Variants in SCUBE2 observed in about 807,000 individuals in gnomAD.
SCUBE2 encodes the protein signal peptide, CUB domain and EGF like domain containing 2.
In SCUBE2, 114 loss-of-function variants were observed where a neutral mutation model predicts 125.9. That is an observed-to-expected ratio of 0.91 (90% CI 0.78 to 1.06). SCUBE2 has a LOEUF of 1.06. Among genes scored for constraint, SCUBE2 ranks in the 50% least tolerant of loss-of-function variants. SCUBE2 has a pLI of 0.00. For synonymous variants in SCUBE2, 459 were observed against 492.9 expected, an observed-to-expected ratio of 0.93 and a Z score of 0.91; for missense variants, 1,255 against 1,301.8, an observed-to-expected ratio of 0.96 and a Z score of 0.55.
chr11:9,087,537 AAG>A (rs1159216994), intron 2 of SCUBE2, among the ~76,000 whole-genome samples: 2 of 150,610 alleles, frequency 1.3e-5, no homozygotes, highest in Admixed American at 6.6e-5. Flanking sequence ...GAGAGAGAGA[AAG>A]AGAGAGAGAG....
Position 9,058,595 on chromosome 11 carries a change from CAAAAAAAAAAAAAAAAA to C in SCUBE2, c.1090+691_1090+707del, listed in dbSNP as rs61409328. ...TGGGTGACAGAGCGAGACTCTGTCT[CAAAAAAAAAAAAAAAAA>C]AAAAAAAAAAAAAAAAAATTCAGAA... is the stretch of plus-strand genomic sequence containing the variant. On this transcript the variant is annotated intron_variant, in intron 9 of 22. Transcript: ENST00000649792. Among the ~76,000 whole-genome samples, 28 of 44,318 alleles carry C rather than the reference CAAAAAAAAAAAAAAAAA, an allele frequency of 6.3e-4. 1 individual carries two copies. The highest frequency in any genetic ancestry group is 1.5e-3 in the East Asian group (2 of 1,294). The allele number at this position is 44,318 out of a possible 152,430, so 29.1% of individuals were successfully genotyped here. A position where few individuals can be genotyped will look rare whatever the true frequency, so the allele number is the denominator to read the frequency against.
At chr11:9,090,869 C>CT (rs1862628637) in intron 1 of SCUBE2, among the ~76,000 whole-genome samples, 1 of 152,240 alleles carries the variant, frequency 6.6e-6, no homozygotes, top group African/African-American at 2.4e-5. Context: ...CCAAAGTTCT[C>CT]TGCTGAAAAC....
At chr11:9,049,791 A>G (rs1858163850) in intron 14 of SCUBE2, 1 of 152,230 alleles carries the variant, frequency 6.6e-6, no homozygotes, top group East Asian at 1.9e-4. Flanking sequence ...TCTCAGCATT[A>G]TAACAAGACC....
intron 7 of SCUBE2, chr11:9,065,100 A>T (rs1393339818): frequency 3.3e-5 from 5 of 152,210 alleles, no homozygotes; most frequent in African/African-American, 9.6e-5. Context: ...AGAGGAAGAC[A>T]GCTGACTTCA....
In SCUBE2 at chr11:9,019,848, G is replaced by C. The variant is rs1232973798; in HGVS notation, c.*1197C>G. Among the ~76,000 whole-genome samples, 1 of 152,198 alleles carries C rather than the reference G, an allele frequency of 6.6e-6. No homozygotes were observed. Among genetic ancestry groups the C allele is most frequent in the African/African-American group, 2.4e-5 (1 of 41,448 alleles). Reference sequence around the variant, plus strand: ...TTGATTGGATTCCTTTTTATTCACTGTAATGAGATTTTTGCTTGGGGATTT... The same window carrying C: ...TTGATTGGATTCCTTTTTATTCACTCTAATGAGATTTTTGCTTGGGGATTT... On this transcript the variant is annotated 3_prime_UTR_variant, in exon 23 of 23. Transcript: ENST00000649792.
intron 1 of SCUBE2, 84 bp from the exon 2 acceptor site, chr11:9,089,913 C>G: frequency 6.6e-7 from 1 of 1,509,178 alleles, no homozygotes; most frequent in Non-Finnish European, 8.9e-7. Context: ...ATCATCCTCA[C>G]CAGCCCACCC....
chr11:9,033,660 C>G lies in SCUBE2; in HGVS notation c.2139G>C (p.Lys713Asn). Residue 713 changes from lysine (K) to asparagine (N), a missense_variant, in exon 17 of 23, where the codon AAG becomes AAC. Around this residue, in one of 3 missense-constraint regions of SCUBE2, gnomAD observed 515 missense variants for 515.7 expected, o/e 1.00. Transcript: ENST00000649792. ...CPRPGNSGAL[K>N]TPEAWNMSEC... The stretch of plus-strand genomic sequence containing the variant: ...CAGACATATTCCAAGCTTCTGGGGT[C>G]TTCAGGGCCCCAGAATTTCCTGGTC... 6.2e-7 allele frequency: 1 copy of G among 1,614,138 alleles called. No individual in the cohort carries two copies. Among genetic ancestry groups the G allele is most frequent in the Non-Finnish European group, 8.5e-7 (1 of 1,180,032 alleles).
intron 3 of SCUBE2, 89 bp downstream of exon 3, chr11:9,079,295 G>A (rs1020533501): frequency 2.1e-5 from 31 of 1,508,806 alleles, no homozygotes; most frequent in South Asian, 1.6e-4. Flanking sequence ...CTCTGAGCCC[G>A]TTTTTGTCTT....
In SCUBE2 at chr11:9,032,791, T is replaced by G. The variant is rs1467922186; in HGVS notation, c.2173+835A>C. ...TAAATTCATGCCAAAATGTCACCCC[T>G]CATCAACCTTGCAGTTAGTTTTGGA... On this transcript the variant is annotated intron_variant, in intron 17 of 22. Coordinates refer to ENST00000649792, the MANE Select transcript of SCUBE2 (RefSeq NM_001367977.2). 5.3e-5 allele frequency among the ~76,000 whole-genome samples: 8 copies of G among 152,298 alleles called. No homozygotes were observed. In the East Asian group the frequency reaches 1.5e-3, roughly 29 times the overall value.
chr11:9,078,485 C>A (rs1861375322), intron 3 of SCUBE2, among the ~76,000 whole-genome samples: 1 of 152,206 alleles, frequency 6.6e-6, no homozygotes, highest in Admixed American at 6.5e-5. Context: ...TCTGTCTGGA[C>A]TTTTTCTAGT....
chr11:9,059,239 G>T lies in SCUBE2; in HGVS notation c.1090+64C>A. 3 of 1,574,012 alleles carry T rather than the reference G, an allele frequency of 1.9e-6. No individual in the cohort carries two copies. The Admixed American group carries it at 5.1e-5, about 27-fold the overall frequency. On this transcript the variant is annotated intron_variant, in intron 9 of 22. Coordinates refer to ENST00000649792, the MANE Select transcript of SCUBE2 (RefSeq NM_001367977.2). Reference sequence around the variant, plus strand: ...ATAAGCCAGTCTCTGCCAGGAGGGTGCTACGTTCTCTCTGCTCCAACCTGT... The same window carrying T: ...ATAAGCCAGTCTCTGCCAGGAGGGTTCTACGTTCTCTCTGCTCCAACCTGT...
In SCUBE2 at chr11:9,030,005, G is replaced by T; in HGVS notation, c.2382C>A (p.His794Gln). ...SPGHFYNTTT[H>Q]RCIRCPVGTY... ...TTCCCACTGGGCAACGAATACATCG[G>T]TGAGTGGTGGTGTTGTAGAAATGTC... The change falls in exon 19 of 23, where the codon CAC (histidine) becomes CAA (glutamine). Residue 794 changes from histidine to glutamine, a missense_variant. Physicochemically the swap from His to Gln is conservative, Grantham distance 24 (BLOSUM62 0). Coordinates refer to ENST00000649792, the MANE Select transcript of SCUBE2 (RefSeq NM_001367977.2). 1 of 1,614,190 alleles carries T rather than the reference G, an allele frequency of 6.2e-7. No individual in the cohort carries two copies. The highest frequency in any genetic ancestry group is 8.5e-7 in the Non-Finnish European group (1 of 1,180,032).
intron 6 of SCUBE2, 78 bp downstream of exon 6, chr11:9,066,619 C>T (rs1039414913): frequency 1.7e-6 from 2 of 1,190,094 alleles, no homozygotes; most frequent in African/African-American, 3.0e-5. Context: ...TGCATCTGTG[C>T]TAAACACCAT....
intron 19 of SCUBE2, 99 bp downstream of exon 19, chr11:9,029,785 G>A (rs1173236639): frequency 1.5e-6 from 2 of 1,315,860 alleles, no homozygotes; most frequent in East Asian, 2.3e-5. Context: ...ATGGTTCTGA[G>A]TGAACCTGGG....
Position 9,087,339 on chromosome 11 carries a change from C to T in SCUBE2, c.256+2368G>A, listed in dbSNP as rs921022654. ...CAGAGAGCACACAGCAACTGGAGGA[C>T]GTGAGTTATCCACATAGTAAAGAAG... On this transcript the variant is annotated intron_variant, in intron 2 of 22. Transcript: ENST00000649792. 1.8e-4 allele frequency among the ~76,000 whole-genome samples: 28 copies of T among 152,252 alleles called. No individual in the cohort carries two copies. In the East Asian group the frequency reaches 2.5e-3, roughly 14 times the overall value.
intron 14 of SCUBE2, among the ~76,000 whole-genome samples, 196 bp from the exon 15 acceptor site, chr11:9,048,294 A>C (rs1032649927): frequency 2.6e-5 from 4 of 152,244 alleles, no homozygotes; most frequent in African/African-American, 9.6e-5. Flanking sequence ...ATTGCCTCCT[A>C]TATAACTTTA....
At chr11:9,069,966 C>T (rs779625974) in intron 4 of SCUBE2, among the ~76,000 whole-genome samples, 1 of 152,220 alleles carries the variant, frequency 6.6e-6, no homozygotes, top group Non-Finnish European at 1.5e-5. Context: ...CTGCCCCCAC[C>T]AATCCCACCC....
At position 9,091,422 on chromosome 11, in the gene SCUBE2, C is replaced by T; in HGVS notation, c.107G>A (p.Arg36Gln). ...LLLAGAVPPGRGRAAGPQEDV... is the reference protein window; with the variant it reads ...LLLAGAVPPGQGRAAGPQEDV... ...CTCCTGCGGCCCCGCGGCACGGCCC[C>T]GACCCGGCGGGACGGCCCCCGCCAG... The change falls in exon 1 of 23, where the codon CGG becomes CAG. Residue 36 changes from arginine (R) to glutamine (Q), a missense_variant. Physicochemically the swap from Arg to Gln is conservative, Grantham distance 43 (BLOSUM62 1). Transcript: ENST00000649792. This position sits in a 1 kb window ranked among gnomAD's most constrained non-coding sequence, Gnocchi z 8.5. 2.3e-6 allele frequency: 3 copies of T among 1,332,554 alleles called. No homozygotes were observed. The South Asian group carries it at 5.8e-5, about 26-fold the overall frequency. The allele number at this position is 1,332,554 out of a possible 1,614,324, so 82.5% of individuals were successfully genotyped here. A position where few individuals can be genotyped will look rare whatever the true frequency, so the allele number is the denominator to read the frequency against.
intron 19 of SCUBE2, 96 bp downstream of exon 19, chr11:9,029,788 A>C: frequency 1.5e-6 from 2 of 1,347,212 alleles, no homozygotes; most frequent in Non-Finnish European, 2.1e-6. Context: ...GTTCTGAGTG[A>C]ACCTGGGACC....
Sources: gnomAD v4.1 joint callset for allele counts (sites outside exome capture counted in the v4.1 genomes callset) on GRCh38, gnomAD v4.1.1 for gene constraint, gnomAD v4.1.1 regional missense constraint, Gnocchi (gnomAD v3.1) non-coding constraint, MANE v1.5 for transcripts, NCBI Gene and HGNC (gene_info 2026-07-23, HGNC 2026-07-21) for gene names.